The following PTCHD4 variants were observed in gnomAD, a reference collection of about 807,000 sequenced individuals.
PTCHD4 encodes patched domain-containing protein 4.
A neutral mutation model predicts 58.1 loss-of-function variants in PTCHD4; 33 were observed. That is an observed-to-expected ratio of 0.57 (90% CI 0.43 to 0.76). The LOEUF is 0.76. Ranked by LOEUF, PTCHD4 falls within the 30% of genes least tolerant of loss-of-function variation. The pLI is 0.00. For synonymous variants in PTCHD4, 478 were observed against 409.6 expected, an observed-to-expected ratio of 1.17 and a Z score of -2.02; for missense variants, 1,058 against 1,027.1, an observed-to-expected ratio of 1.03 and a Z score of -0.41.
chr6:47,878,178 A>C lies in PTCHD4; in HGVS notation c.*125T>G, dbSNP rs1441855017. 1 of 790,208 alleles carries C rather than the reference A, an allele frequency of 1.3e-6. No individual in the cohort carries two copies. Among genetic ancestry groups the C allele is most frequent in the African/African-American group, 1.7e-5 (1 of 57,642 alleles). 48.9% of individuals were successfully genotyped at this position (790,208 alleles called of 1,614,324 possible). On this transcript the variant is annotated 3_prime_UTR_variant, in exon 5 of 5. Transcript: ENST00000339488. Reference sequence around the variant, plus strand: ...CAGGCACCTTGAAGTGTCATGAATAATGCACTCTTGATCTGACTTGCCTTG... The same window carrying C: ...CAGGCACCTTGAAGTGTCATGAATACTGCACTCTTGATCTGACTTGCCTTG...
intron 1 of PTCHD4, among the ~76,000 whole-genome samples, chr6:48,103,600 G>T (rs933439366): frequency 6.6e-6 from 1 of 152,148 alleles, no homozygotes; most frequent in Admixed American, 6.5e-5. Context: ...GCTGGATGGA[G>T]AATGACTTTG....
At chr6:48,035,346 G>A (rs891360322) in intron 3 of PTCHD4, among the ~76,000 whole-genome samples, 9 of 152,076 alleles carry the variant, frequency 5.9e-5, no homozygotes, top group African/African-American at 2.2e-4. Context: ...TCACTCTGTT[G>A]CAGTGGTTTT....
At chr6:47,995,865 A>G (rs1768467402) in intron 4 of PTCHD4, among the ~76,000 whole-genome samples, 1 of 152,318 alleles carries the variant, frequency 6.6e-6, no homozygotes, top group Middle Eastern at 3.4e-3. Flanking sequence ...CACCCATGCT[A>G]TGAAACACAT....
chr6:48,085,078 T>A (rs559866576), intron 1 of PTCHD4, among the ~76,000 whole-genome samples: 1 of 151,426 alleles, frequency 6.6e-6, no homozygotes, highest in East Asian at 1.9e-4. Flanking sequence ...AAAATTAGTC[T>A]GGGCCCTGAG....
rs530430734 is a variant in PTCHD4, at chr6:48,057,439, C to T, written c.417+10791G>A. ...ATTTATGCTAAGAAAGCTAAATGCCCTATTAGTTCATTAGACACATACACT... is the reference window on the plus strand; with the variant it reads ...ATTTATGCTAAGAAAGCTAAATGCCTTATTAGTTCATTAGACACATACACT... On this transcript the variant is annotated intron_variant, in intron 3 of 4. Transcript: ENST00000339488. Among the ~76,000 whole-genome samples the T allele has an allele frequency of 5.3e-5, 8 of 152,216 alleles. No individual in the cohort carries two copies. In the South Asian group the frequency reaches 1.7e-3, roughly 32 times the overall value.
At chr6:48,032,098 C>T (rs1480858508) in intron 3 of PTCHD4, among the ~76,000 whole-genome samples, 1 of 150,614 alleles carries the variant, frequency 6.6e-6, no homozygotes, top group African/African-American at 2.4e-5. Context: ...ATAATGTGCT[C>T]ATTATAAAGC....
intron 4 of PTCHD4, among the ~76,000 whole-genome samples, chr6:48,003,607 G>T (rs974321903): frequency 2.0e-5 from 3 of 152,152 alleles, no homozygotes; most frequent in South Asian, 2.1e-4. Flanking sequence ...AATTATTCTT[G>T]CCCCATTGCA....
chr6:48,045,746 C>A (rs961174840), intron 3 of PTCHD4, among the ~76,000 whole-genome samples: 3 of 151,312 alleles, frequency 2.0e-5, no homozygotes, highest in African/African-American at 7.3e-5. Context: ...GATGCAATTC[C>A]AAGTTGGTCT....
At chr6:47,901,480 C>T in intron 4 of PTCHD4, 3 of 981,388 alleles carry the variant, frequency 3.1e-6, no homozygotes, top group African/African-American at 1.7e-5. Context: ...TACAGCACAT[C>T]TAAACTTCAT....
chr6:47,929,895 C>T (rs951015400), intron 4 of PTCHD4, among the ~76,000 whole-genome samples: 11 of 152,188 alleles, frequency 7.2e-5, no homozygotes, highest in Admixed American at 5.2e-4. Context: ...ATTGGTGAAT[C>T]GGAGACCATG....
At position 47,885,380 on chromosome 6, in the gene PTCHD4, A is replaced by G. The variant is rs1017190258; in HGVS notation, c.899-5444T>C. The stretch of plus-strand genomic sequence containing the variant: ...TGGTGTAACAATAAGGAAAACCTAC[A>G]TGGCAGCTTGCTAACATGCCCCCAT... On this transcript the variant is annotated intron_variant, in intron 4 of 4. Transcript: ENST00000339488. 1.5e-4 allele frequency among the ~76,000 whole-genome samples: 23 copies of G among 152,300 alleles called. No homozygotes were observed. The Middle Eastern group carries it at 0.01, about 68-fold the overall frequency.
At chr6:47,897,940 C>CTTTTT (rs67063892) in intron 4 of PTCHD4, among the ~76,000 whole-genome samples, 178 of 76,348 alleles carry the variant, frequency 2.3e-3, no homozygotes, top group African/African-American at 5.3e-3. Context: ...TTCTTTCTTT[C>CTTTTT]TTTTTTTTTT....
chr6:47,975,565 G>A (rs538034475), intron 4 of PTCHD4, among the ~76,000 whole-genome samples: 1 of 152,202 alleles, frequency 6.6e-6, no homozygotes, highest in African/African-American at 2.4e-5. Flanking sequence ...ATCTTGTCTT[G>A]CATTGTAAGA....
intron 4 of PTCHD4, among the ~76,000 whole-genome samples, chr6:47,918,821 T>A (rs976972058): frequency 6.6e-6 from 1 of 152,180 alleles, no homozygotes; most frequent in Non-Finnish European, 1.5e-5. Context: ...TTTCATGTAC[T>A]CTTACTGCTA....
intron 4 of PTCHD4, among the ~76,000 whole-genome samples, chr6:47,898,395 T>C (rs1395373821): frequency 6.6e-6 from 1 of 152,238 alleles, no homozygotes; most frequent in Non-Finnish European, 1.5e-5. Flanking sequence ...ACTTCCATTA[T>C]TAGACCCGAT....
intron 3 of PTCHD4, among the ~76,000 whole-genome samples, chr6:48,062,608 A>G (rs1764668667): frequency 6.6e-6 from 1 of 152,158 alleles, no homozygotes; most frequent in South Asian, 2.1e-4. Context: ...CCCCAGTGCC[A>G]AGCAATTCTT....
Position 48,008,785 on chromosome 6 carries a change from G to A in PTCHD4, c.747C>T (p.Ser249=), listed in dbSNP as rs1262334321. ...TACTGCGCAAGCAGTCCTTCATGGAGCTGGAGAGGGTGGCTGTGGTCAGGA... is the reference window on the plus strand; with the variant it reads ...TACTGCGCAAGCAGTCCTTCATGGAACTGGAGAGGGTGGCTGTGGTCAGGA... ...VLILTTATLS[S]SMKDCLRSKP... is the part of the protein sequence containing the mutation. Residue 249 remains serine, a synonymous_variant, in exon 4 of 5, where the codon AGC becomes AGT. Coordinates refer to ENST00000339488, the MANE Select transcript of PTCHD4 (RefSeq NM_001384253.1). The A allele has an allele frequency of 3.1e-6, 5 of 1,613,890 alleles. No individual in the cohort carries two copies. The South Asian group carries it at 4.4e-5, about 14-fold the overall frequency.
At chr6:47,881,960 G>A (rs531734383) in intron 4 of PTCHD4, among the ~76,000 whole-genome samples, 1 of 152,024 alleles carries the variant, frequency 6.6e-6, no homozygotes, top group Non-Finnish European at 1.5e-5. Context: ...GTCATGAACT[G>A]TTCCTTCTTG....
At chr6:47,971,529 A>C (rs1409969406) in intron 4 of PTCHD4, among the ~76,000 whole-genome samples, 1 of 152,272 alleles carries the variant, frequency 6.6e-6, no homozygotes, top group East Asian at 1.9e-4. Flanking sequence ...GGCACCTGGT[A>C]CTATAGCAGC....
Sources: allele counts gnomAD v4.1 joint callset (sites outside exome capture counted in the v4.1 genomes callset), GRCh38; gene constraint gnomAD v4.1.1; transcripts MANE v1.5; gene names NCBI Gene and HGNC (gene_info 2026-07-23, HGNC 2026-07-21).